PPP3CA: variants seen among roughly 807,000 people sequenced by gnomAD.
PPP3CA encodes the protein CAM-PRP catalytic subunit.
A neutral mutation model predicts 66.5 loss-of-function variants in PPP3CA; 14 were observed. The observed-to-expected ratio is 0.21, with a 90% confidence interval of 0.14 to 0.33. PPP3CA has a LOEUF of 0.33. Among genes scored for constraint, PPP3CA ranks in the 10% least tolerant of loss-of-function variants. The probability of loss-of-function intolerance (pLI) is 1.00; values close to 1 mark genes in which losing one functional copy is unlikely to be tolerated. For missense variants in PPP3CA, 317 were observed against 639.5 expected (o/e 0.50, Z 5.44); for synonymous variants, 232 against 226.2 (o/e 1.03, Z -0.23).
intron 1 of PPP3CA, among the ~76,000 whole-genome samples, chr4:101,196,319 A>AC (rs1724790980): frequency 6.6e-6 from 1 of 152,234 alleles, no homozygotes; most frequent in Non-Finnish European, 1.5e-5. Context: ...GTGATTGCTT[A>AC]AACAAAATTG....
chr4:101,248,211 T>C (rs752455336), intron 1 of PPP3CA, among the ~76,000 whole-genome samples: 13 of 152,170 alleles, frequency 8.5e-5, no homozygotes, highest in Admixed American at 4.6e-4. Context: ...TATTTGCAAT[T>C]TAGAATGTGG....
chr4:101,266,034 C>T (rs1727159662), intron 1 of PPP3CA, among the ~76,000 whole-genome samples: 1 of 152,134 alleles, frequency 6.6e-6, no homozygotes, highest in Non-Finnish European at 1.5e-5. Context: ...ACTACCTTTA[C>T]ATACACAAAG....
At chr4:101,130,338 T>C (rs557535732) in intron 2 of PPP3CA, among the ~76,000 whole-genome samples, 42 of 152,204 alleles carry the variant, frequency 2.8e-4, no homozygotes, top group African/African-American at 1.0e-3. Context: ...CAATATATTA[T>C]CCAGGAGAAC....
intron 2 of PPP3CA, among the ~76,000 whole-genome samples, chr4:101,114,545 A>G (rs1242889139): frequency 6.6e-6 from 1 of 152,106 alleles, no homozygotes; most frequent in Non-Finnish European, 1.5e-5. Context: ...AATATCGCTA[A>G]TCTAAACAAA....
chr4:101,100,790 A>G (rs1339219649), intron 3 of PPP3CA, among the ~76,000 whole-genome samples: 1 of 152,186 alleles, frequency 6.6e-6, no homozygotes, highest in Non-Finnish European at 1.5e-5. Context: ...ATCTGAAATC[A>G]AAATCAATGA....
chr4:101,262,348 G>T (rs1193856934), intron 1 of PPP3CA, among the ~76,000 whole-genome samples: 1 of 151,926 alleles, frequency 6.6e-6, no homozygotes, highest in Non-Finnish European at 1.5e-5. Context: ...TATCGTTAAG[G>T]CACATTCCAA....
At chr4:101,338,542 C>G (rs1193224352) in intron 1 of PPP3CA, among the ~76,000 whole-genome samples, 1 of 152,232 alleles carries the variant, frequency 6.6e-6, no homozygotes, top group Non-Finnish European at 1.5e-5. Context: ...GATAGAACTT[C>G]TGTCTCTAGG....
chr4:101,142,770 T>G (rs80321726), intron 2 of PPP3CA, among the ~76,000 whole-genome samples: 1 of 152,108 alleles, frequency 6.6e-6, no homozygotes, highest in Non-Finnish European at 1.5e-5. Flanking sequence ...GGTAAGAAAA[T>G]AGACACTGGA....
chr4:101,154,689 C>T (rs1402414716), intron 2 of PPP3CA, among the ~76,000 whole-genome samples: 1 of 152,066 alleles, frequency 6.6e-6, no homozygotes, highest in Non-Finnish European at 1.5e-5. Context: ...ATAACAGGTT[C>T]TCCAACTACT....
At chr4:101,061,843 C>T (rs1407443128) in intron 9 of PPP3CA, among the ~76,000 whole-genome samples, 1 of 151,930 alleles carries the variant, frequency 6.6e-6, no homozygotes, top group Non-Finnish European at 1.5e-5. Flanking sequence ...ATAAACCATG[C>T]TATTTACATT....
chr4:101,061,712 T>G (rs1334332699), intron 9 of PPP3CA, among the ~76,000 whole-genome samples: 1 of 152,068 alleles, frequency 6.6e-6, no homozygotes, highest in East Asian at 1.9e-4. Context: ...TAAATTTGAT[T>G]TTCAAAAATG....
At chr4:101,185,049 G>A (rs1724367655) in intron 2 of PPP3CA, among the ~76,000 whole-genome samples, 1 of 151,980 alleles carries the variant, frequency 6.6e-6, no homozygotes, top group South Asian at 2.1e-4. Flanking sequence ...GTAGTCAAAT[G>A]CCATCATGAA....
At chr4:101,063,824 T>C (rs1728572405) in intron 8 of PPP3CA, among the ~76,000 whole-genome samples, 1 of 151,962 alleles carries the variant, frequency 6.6e-6, no homozygotes. Context: ...ATTGCTTTAA[T>C]TTTTACTTTA....
intron 1 of PPP3CA, among the ~76,000 whole-genome samples, chr4:101,223,062 G>T (rs960075860): frequency 6.6e-6 from 1 of 151,666 alleles, no homozygotes; most frequent in Non-Finnish European, 1.5e-5. Flanking sequence ...AGGTCTATTT[G>T]CCCAAGCTGT....
At chr4:101,342,528 T>C (rs1729849820) in intron 1 of PPP3CA, among the ~76,000 whole-genome samples, 1 of 152,200 alleles carries the variant, frequency 6.6e-6, no homozygotes. Context: ...TCTTGGTATA[T>C]TAACAATGCT....
chr4:101,255,418 G>A (rs1023401184), intron 1 of PPP3CA, among the ~76,000 whole-genome samples: 5 of 151,758 alleles, frequency 3.3e-5, no homozygotes, highest in African/African-American at 1.2e-4. Flanking sequence ...ACAGTTTCCC[G>A]TTTTCAGTTT....
intron 1 of PPP3CA, among the ~76,000 whole-genome samples, chr4:101,207,601 C>A (rs1188313561): frequency 6.6e-6 from 1 of 152,078 alleles, no homozygotes; most frequent in African/African-American, 2.4e-5. Context: ...CCGAGGTGGG[C>A]AGATCACTTG....
intron 1 of PPP3CA, among the ~76,000 whole-genome samples, chr4:101,294,599 GA>G (rs1341645907): frequency 1.3e-5 from 2 of 151,980 alleles, no homozygotes; most frequent in Non-Finnish European, 2.9e-5. Flanking sequence ...TATGCTTTAT[GA>G]ATTTTAATCA....
chr4:101,307,763 G>A (rs1199738038), intron 1 of PPP3CA, among the ~76,000 whole-genome samples: 3 of 152,232 alleles, frequency 2.0e-5, no homozygotes, highest in East Asian at 3.9e-4. Context: ...TTCCTCCAGC[G>A]CGAATACCAT....
Sources: allele counts gnomAD v4.1 joint callset (sites outside exome capture counted in the v4.1 genomes callset), GRCh38; gene constraint gnomAD v4.1.1; transcripts MANE v1.5; gene names NCBI Gene and HGNC (gene_info 2026-07-23, HGNC 2026-07-21).